Variants in SLC5A11 observed in about 807,000 individuals in gnomAD.
The protein encoded by SLC5A11 is sodium/myo-inositol cotransporter 2.
Under a neutral mutation model 69.8 loss-of-function variants are expected in SLC5A11, and 48 were observed. The observed-to-expected ratio is 0.69, with a 90% CI of 0.55 to 0.87. SLC5A11 has a LOEUF of 0.87. Among genes scored for constraint, SLC5A11 ranks in the 40% least tolerant of loss-of-function variants. SLC5A11 has a pLI of 0.00. For synonymous variants in SLC5A11, 319 were observed against 342.4 expected (o/e 0.93, Z 0.75); for missense variants, 784 against 866.1 (o/e 0.91, Z 1.19).
At chr16:24,908,976 T>G (rs2050289959) in exon 14 of SLC5A11, 1 of 1,614,140 alleles carries the variant, frequency 6.2e-7, no homozygotes, top group Non-Finnish European at 8.5e-7. Context: ...ACCAGCCAGA[T>G]GAGCGCCCGG....
At chr16:24,850,771 C>A (rs2059266875) in intron 1 of SLC5A11, among the ~76,000 whole-genome samples, 1 of 151,966 alleles carries the variant, frequency 6.6e-6, no homozygotes, top group South Asian at 2.1e-4. Flanking sequence ...ATGATTCATG[C>A]ACATATGTGG....
chr16:24,850,751 A>G (rs933747233), intron 1 of SLC5A11, among the ~76,000 whole-genome samples: 1 of 151,808 alleles, frequency 6.6e-6, no homozygotes, highest in African/African-American at 2.4e-5. Context: ...GGAGGCTGTG[A>G]CTTCAAAACA....
chr16:24,905,626 ACACG>A (rs1567694896), intron 10 of SLC5A11, among the ~76,000 whole-genome samples: 6 of 84,172 alleles, frequency 7.1e-5, no homozygotes, highest in African/African-American at 3.1e-4. Context: ...CATCTCAAAA[ACACG>A]CGCGCGCGCG....
chr16:24,910,533 A>ATTTT (rs201159355), intron 15 of SLC5A11, 56 bp downstream of exon 16: 151 of 1,327,094 alleles, frequency 1.1e-4, no homozygotes, highest in Middle Eastern at 1.9e-4. Flanking sequence ...AAAGGGATTG[A>ATTTT]TTTTTTTTTT....
chr16:24,901,931 T>TACACACACACACAC (rs749172893), intron 10 of SLC5A11, among the ~76,000 whole-genome samples: 5 of 137,928 alleles, frequency 3.6e-5, no homozygotes, highest in African/African-American at 1.5e-4. Context: ...GAAAAAAAAA[T>TACACACACACACAC]ACACACACAC....
chr16:24,878,346 G>A (rs150549980), intron 7 of SLC5A11, among the ~76,000 whole-genome samples: 27 of 152,258 alleles, frequency 1.8e-4, no homozygotes, highest in Non-Finnish European at 2.8e-4. Flanking sequence ...TCATCTCTCC[G>A]CCTCATACCT....
At chr16:24,868,345 C>CTTTGG (rs1032602150) in intron 3 of SLC5A11, among the ~76,000 whole-genome samples, 1 of 149,978 alleles carries the variant, frequency 6.7e-6, no homozygotes, top group African/African-American at 2.5e-5. Flanking sequence ...AATCCCAGCA[C>CTTTGG]TTTGGGAGGC....
chr16:24,898,212 T>G (rs1372177045), intron 10 of SLC5A11, 103 bp downstream of exon 11: 2 of 1,396,326 alleles, frequency 1.4e-6, no homozygotes, highest in Admixed American at 4.5e-5. Flanking sequence ...GTGACTACAG[T>G]CCTTTCTCTC....
In SLC5A11 at chr16:24,847,616, A is replaced by G. The variant is rs182655187; in HGVS notation, c.-25+1178A>G. On this transcript the variant is annotated intron_variant, in intron 1 of 15. Coordinates refer to ENST00000347898, the Ensembl canonical transcript of SLC5A11. Reference sequence around the variant, plus strand: ...AGCGATTCTCCCGCCTCAGCCTTGCAAAGTGCTGGGATTACAGGCATGAGC... The same window carrying G: ...AGCGATTCTCCCGCCTCAGCCTTGCGAAGTGCTGGGATTACAGGCATGAGC... Among the ~76,000 whole-genome samples, 391 of 152,250 alleles carry G rather than the reference A, an allele frequency of 2.6e-3. 3 individuals carry two copies. Among genetic ancestry groups the G allele is most frequent in the African/African-American group, 9.1e-3 (376 of 41,546 alleles).
chr16:24,856,713 G>A (rs2152238957), intron 1 of SLC5A11, among the ~76,000 whole-genome samples: 1 of 150,566 alleles, frequency 6.6e-6, no homozygotes, highest in Admixed American at 6.7e-5. Flanking sequence ...AGAGCTTGTA[G>A]TGAGCCGAGA....
intron 3 of SLC5A11, among the ~76,000 whole-genome samples, chr16:24,865,906 C>G (rs1010702036): frequency 6.6e-6 from 1 of 151,456 alleles, no homozygotes; most frequent in African/African-American, 2.4e-5. Context: ...TTGTAACTCT[C>G]TTTTTCTTCT....
intron 8 of SLC5A11, among the ~76,000 whole-genome samples, chr16:24,888,024 A>G (rs1008562301): frequency 6.6e-6 from 1 of 152,180 alleles, no homozygotes; most frequent in Non-Finnish European, 1.5e-5. Flanking sequence ...CAAGAACATA[A>G]TAAGGATTTA....
At position 24,869,893 on chromosome 16, in the gene SLC5A11, C is replaced by T. The variant is rs2152295961; in HGVS notation, c.208-8C>T. The T allele has an allele frequency of 6.2e-7, 1 of 1,609,826 alleles. No individual in the cohort carries two copies. The highest frequency in any genetic ancestry group is 2.2e-5 in the East Asian group (1 of 44,844). ...TCTCCAAGATCTGACCCGTCCATCT[C>T]CCCACAGGTGGGTGCATCCTTGTTT... On this transcript the variant is annotated splice_polypyrimidine_tract_variant and splice_region_variant and intron_variant, in intron 3 of 15. Transcript: ENST00000347898.
chr16:24,911,318 T>C lies in SLC5A11; in HGVS notation c.1823-10T>C. 6.2e-7 allele frequency: 1 copy of C among 1,613,628 alleles called. No individual in the cohort carries two copies. The highest frequency in any genetic ancestry group is 8.5e-7 in the Non-Finnish European group (1 of 1,179,964). The stretch of plus-strand genomic sequence containing the variant: ...ACCTCTACGGTCTTCCTTTGCTGGG[T>C]TCTTTCTAGGTGACATGACCCCAAA... On this transcript the variant is annotated splice_polypyrimidine_tract_variant and intron_variant, in intron 15 of 15. Coordinates refer to ENST00000347898, the Ensembl canonical transcript of SLC5A11.
At chr16:24,884,188 T>A (rs2048243186) in intron 8 of SLC5A11, 57 bp downstream of exon 9, 1 of 1,537,848 alleles carries the variant, frequency 6.5e-7, no homozygotes, top group Admixed American at 1.7e-5. Flanking sequence ...CCAGCAGGGA[T>A]ATCTGCTCTC....
chr16:24,868,642 C>G (rs12926788), intron 3 of SLC5A11, among the ~76,000 whole-genome samples: 33,899 of 149,654 alleles, frequency 0.23, 4,149 homozygotes, highest in East Asian at 0.37. Context: ...TGAAAACTTA[C>G]TACAACGCTA....
intron 10 of SLC5A11, among the ~76,000 whole-genome samples, chr16:24,903,191 T>C (rs894543389): frequency 1.3e-5 from 2 of 151,816 alleles, no homozygotes; most frequent in African/African-American, 4.8e-5. Flanking sequence ...GACATCTGTT[T>C]TTTTTTTTTC....
intron 1 of SLC5A11, among the ~76,000 whole-genome samples, chr16:24,858,171 T>C (rs867911366): frequency 6.6e-6 from 1 of 152,172 alleles, no homozygotes; most frequent in African/African-American, 2.4e-5. Context: ...TATATTAAAT[T>C]TCATGGTATA....
At chr16:24,904,625 C>T (rs1272477325) in intron 10 of SLC5A11, among the ~76,000 whole-genome samples, 4 of 152,138 alleles carry the variant, frequency 2.6e-5, no homozygotes, top group Non-Finnish European at 5.9e-5. Flanking sequence ...TCCCTATTTG[C>T]ACTTCTCTCT....
Sources: allele counts gnomAD v4.1 joint callset (sites outside exome capture counted in the v4.1 genomes callset), GRCh38; gene constraint gnomAD v4.1.1; transcripts MANE v1.5; gene names NCBI Gene and HGNC (gene_info 2026-07-23, HGNC 2026-07-21).